Variants in DMD observed in about 807,000 individuals in gnomAD.
DMD encodes mutant dystrophin.
Under a neutral mutation model 330.1 loss-of-function variants are expected in DMD, and 63 were observed. The observed-to-expected ratio is 0.19, with a 90% confidence interval of 0.16 to 0.24. DMD has a LOEUF of 0.24. DMD is among the 10% of genes least tolerant of loss of function. The pLI is 1.00. For missense variants in DMD, 3,344 were observed against 2,684.1 expected, an observed-to-expected ratio of 1.25 and a Z score of -5.43; for synonymous variants, 1,223 against 959.8, an observed-to-expected ratio of 1.27 and a Z score of -5.07.
intron 7 of DMD, among the ~76,000 whole-genome samples, chrX:32,761,748 C>T (rs755104300): frequency 9.0e-6 from 1 of 111,597 alleles, no homozygotes; most frequent in East Asian, 2.8e-4. Context: ...TAACAGAAAC[C>T]CAAATCTGTA....
intron 2 of DMD, among the ~76,000 whole-genome samples, chrX:32,983,302 T>A (rs1337490025): frequency 9.0e-6 from 1 of 111,687 alleles, no homozygotes; most frequent in Non-Finnish European, 1.9e-5. Flanking sequence ...TCATTCATCA[T>A]TAAAAGCATC....
chrX:32,753,928 G>A (rs1032826518), intron 7 of DMD, among the ~76,000 whole-genome samples: 1 of 110,751 alleles, frequency 9.0e-6, no homozygotes, highest in Non-Finnish European at 1.9e-5. Flanking sequence ...ACCAAACCCT[G>A]CTCAATTCTA....
chrX:33,287,954 T>G (rs942230459), intron 1 of DMD, among the ~76,000 whole-genome samples: 1 of 111,604 alleles, frequency 9.0e-6, no homozygotes, highest in Admixed American at 9.5e-5. Context: ...CTTTCCTTCA[T>G]AAGTGCCACT....
At chrX:32,889,492 ATCC>A (rs1459400803) in intron 2 of DMD, among the ~76,000 whole-genome samples, 3 of 110,581 alleles carry the variant, frequency 2.7e-5, no homozygotes, top group African/African-American at 9.9e-5. Context: ...AAGCCATCAT[ATCC>A]CCTGTGACCT....
Position 32,573,755 on chromosome X carries a change from G to A in DMD, c.1694C>T (p.Thr565Ile), listed in dbSNP as rs763112789. 4.1e-6 allele frequency: 5 copies of A among 1,210,745 alleles called. No homozygotes were observed. In the South Asian group the frequency reaches 5.3e-5, roughly 13 times the overall value. The stretch of plus-strand genomic sequence containing the variant: ...TCACACATGACACACCTGTTCTTCA[G>A]TAAGACGTTGCCATTTGAGAAGGAT... ...QDILLKWQRL[T>I]EEQCLFSAWL... Residue 565 changes from threonine (T) to isoleucine (I), a missense_variant, in exon 14 of 79, where the codon ACT (threonine) becomes ATT (isoleucine). Coordinates refer to ENST00000357033, the MANE Select transcript of DMD (RefSeq NM_004006.3).
chrX:31,322,745 C>T (rs753535181), intron 62 of DMD, among the ~76,000 whole-genome samples: 3 of 111,647 alleles, frequency 2.7e-5, no homozygotes, highest in South Asian at 3.7e-4. Flanking sequence ...AGATGGCAGG[C>T]GGAAAAAAAT....
At chrX:32,948,360 G>A (rs2090968477) in intron 2 of DMD, among the ~76,000 whole-genome samples, 1 of 111,727 alleles carries the variant, frequency 9.0e-6, no homozygotes, top group African/African-American at 3.3e-5. Context: ...AAACTACAGA[G>A]AATGGATTAG....
chrX:31,242,285 A>AAAAAAAAAAAAAG (rs2048398928), intron 63 of DMD, among the ~76,000 whole-genome samples: 1 of 103,767 alleles, frequency 9.6e-6, no homozygotes, highest in Non-Finnish European at 2.0e-5. Flanking sequence ...AAAAAAAAAA[A>AAAAAAAAAAAAAG]AAAAAATCTG....
chrX:32,409,912 A>G (rs1401939684), intron 30 of DMD, among the ~76,000 whole-genome samples: 1 of 111,574 alleles, frequency 9.0e-6, no homozygotes, highest in Non-Finnish European at 1.9e-5. Context: ...GACACACTAA[A>G]TACCCTGACT....
intron 1 of DMD, among the ~76,000 whole-genome samples, chrX:33,271,281 T>G (rs886799746): frequency 9.0e-6 from 1 of 111,037 alleles, no homozygotes; most frequent in African/African-American, 3.3e-5. Context: ...TGCCTATTAT[T>G]TAATCTTTTA....
chrX:32,961,275 G>C (rs919487718), intron 2 of DMD, among the ~76,000 whole-genome samples: 23 of 111,468 alleles, frequency 2.1e-4, no homozygotes, highest in African/African-American at 7.2e-4. Flanking sequence ...AGCTGAAGTA[G>C]GAAAGAGTGC....
intron 50 of DMD, among the ~76,000 whole-genome samples, chrX:31,809,221 T>C (rs59344156): frequency 0.12 from 13,105 of 105,691 alleles, 634 homozygotes; most frequent in Admixed American, 0.18. Context: ...ATATATAGTT[T>C]CCTATATAAA....
chrX:32,427,506 T>C (rs1172903260), intron 29 of DMD, among the ~76,000 whole-genome samples: 2 of 111,320 alleles, frequency 1.8e-5, no homozygotes, highest in African/African-American at 6.5e-5. Flanking sequence ...AAACACTGTT[T>C]CATACACACT....
intron 29 of DMD, among the ~76,000 whole-genome samples, chrX:32,420,579 T>C (rs1046145931): frequency 9.0e-6 from 1 of 111,671 alleles, no homozygotes; most frequent in Non-Finnish European, 1.9e-5. Flanking sequence ...GATAGTCCTC[T>C]TAAATAAGGT....
chrX:33,125,210 C>T (rs187939254), intron 1 of DMD, among the ~76,000 whole-genome samples: 1,947 of 110,268 alleles, frequency 0.018, 51 homozygotes, highest in African/African-American at 0.06. Context: ...ATATGGTACA[C>T]TTGTTTTCTA....
At chrX:32,224,505 C>T (rs2097141322) in intron 43 of DMD, among the ~76,000 whole-genome samples, 1 of 111,413 alleles carries the variant, frequency 9.0e-6, no homozygotes, top group Non-Finnish European at 1.9e-5. Context: ...AAAGTGTGTG[C>T]AGTGAAAAGC....
chrX:32,899,446 C>A (rs1012160165), intron 2 of DMD, among the ~76,000 whole-genome samples: 2 of 110,089 alleles, frequency 1.8e-5, no homozygotes, highest in Admixed American at 9.8e-5. Context: ...GAGGCTGAGG[C>A]GGGCGGATCA....
intron 7 of DMD, among the ~76,000 whole-genome samples, chrX:32,786,600 C>T (rs769030253): frequency 1.8e-5 from 2 of 111,719 alleles, no homozygotes; most frequent in South Asian, 7.4e-4. Context: ...AAAACTTTTC[C>T]ATTTATTTTC....
chrX:32,454,861 A>T (rs759713599), intron 25 of DMD, 29 bp from the exon 26 acceptor site: 5 of 1,196,434 alleles, frequency 4.2e-6, no homozygotes, highest in Non-Finnish European at 4.5e-6. Flanking sequence ...ACAAAACACG[A>T]TTATTGACAG....
Sources: gnomAD v4.1 joint callset for allele counts (sites outside exome capture counted in the v4.1 genomes callset) on GRCh38, gnomAD v4.1.1 for gene constraint, MANE v1.5 for transcripts, NCBI Gene and HGNC (gene_info 2026-07-23, HGNC 2026-07-21) for gene names.